ZGRF1: variants seen among roughly 807,000 people sequenced by gnomAD.
The protein encoded by ZGRF1 is zinc finger GRF-type containing 1.
ZGRF1 carries 196 observed loss-of-function variants against 203.5 expected under a neutral mutation model. That is an observed-to-expected ratio of 0.96 (90% CI 0.86 to 1.08). The LOEUF is 1.08. ZGRF1 is among the 50% of genes least tolerant of loss of function. The pLI, the probability that ZGRF1 is intolerant of heterozygous loss-of-function variation, is 0.00. For synonymous variants in ZGRF1, 809 were observed against 841.3 expected (o/e 0.96, Z 0.66); for missense variants, 2,326 against 2,416.3 (o/e 0.96, Z 0.78).
At chr4:112,542,523 G>A (rs1737845653) in intron 24 of ZGRF1, among the ~76,000 whole-genome samples, 1 of 152,086 alleles carries the variant, frequency 6.6e-6, no homozygotes, top group Non-Finnish European at 1.5e-5. Flanking sequence ...GATAAAAGAT[G>A]GAAGGAAAAA....
intron 8 of ZGRF1, 98 bp from the exon 9 acceptor site, chr4:112,606,189 C>A: frequency 3.9e-6 from 3 of 760,554 alleles, no homozygotes; most frequent in Non-Finnish European, 6.5e-6. Context: ...TTAAGTTTGC[C>A]CTGTGAAAAC....
Position 112,558,327 on chromosome 4 carries a change from A to G in ZGRF1, c.4961-18T>C. On this transcript the variant is annotated intron_variant, in intron 19 of 27. Transcript: ENST00000505019. ...AAACACACCTAATTATTTTAAAAGA[A>G]GAAAAAAATAAAAAGCATAAAATAA... The G allele has an allele frequency of 1.7e-5, 25 of 1,480,924 alleles. No homozygotes were observed. Among genetic ancestry groups the G allele is most frequent in the Non-Finnish European group, 2.2e-5 (25 of 1,120,000 alleles). 91.7% of individuals were successfully genotyped at this position (1,480,924 alleles called of 1,614,324 possible). A position where few individuals can be genotyped will look rare whatever the true frequency, so the allele number is the denominator to read the frequency against.
intron 15 of ZGRF1, among the ~76,000 whole-genome samples, chr4:112,582,368 A>G (rs916941832): frequency 2.0e-5 from 3 of 148,878 alleles, no homozygotes; most frequent in African/African-American, 7.5e-5. Context: ...GGTAACCATC[A>G]TTCTATTCTC....
At chr4:112,552,294 A>T (rs1740126626) in intron 22 of ZGRF1, among the ~76,000 whole-genome samples, 1 of 152,080 alleles carries the variant, frequency 6.6e-6, no homozygotes, top group African/African-American at 2.4e-5. Flanking sequence ...AAAAAAAAGA[A>T]AGAAAGAAAT....
chr4:112,632,143 A>C, intron 2 of ZGRF1, 133 bp from the exon 3 acceptor site: 1 of 377,878 alleles, frequency 2.6e-6, no homozygotes, highest in East Asian at 3.9e-5. Flanking sequence ...CACCCATATC[A>C]ATTTTTTAAA....
At chr4:112,573,818 A>C (rs904622375) in intron 16 of ZGRF1, among the ~76,000 whole-genome samples, 1 of 152,198 alleles carries the variant, frequency 6.6e-6, no homozygotes, top group Non-Finnish European at 1.5e-5. Context: ...AAGAATATGA[A>C]GAATACATAA....
In ZGRF1 at chr4:112,620,159, C is replaced by T. The variant is rs747866911; in HGVS notation, c.194G>A (p.Arg65Gln). The T allele has an allele frequency of 4.4e-6, 7 of 1,607,302 alleles. No individual in the cohort carries two copies. Among genetic ancestry groups the T allele is most frequent in the African/African-American group, 2.7e-5 (2 of 74,726 alleles). ...VKPGDDLESD[R>Q]YLITVEEVKV... ...AACCTCTTCAACTGTGATTAAGTAT[C>T]GATCACTTTCTAAGTCATCTCCAGG... Residue 65 changes from arginine to glutamine, a missense_variant, in exon 5 of 28, where the codon CGA becomes CAA. Arg to Gln is a conservative substitution (Grantham distance 43, BLOSUM62 1). Transcript: ENST00000505019.
intron 13 of ZGRF1, 26 bp from the exon 14 acceptor site, chr4:112,585,751 G>A (rs1578365108): frequency 2.1e-6 from 3 of 1,458,914 alleles, no homozygotes; most frequent in East Asian, 2.3e-5. Flanking sequence ...AAAGAGAGCA[G>A]AAAATTAAAT....
chr4:112,625,103 C>T (rs946011463), intron 3 of ZGRF1, among the ~76,000 whole-genome samples: 2 of 152,056 alleles, frequency 1.3e-5, no homozygotes, highest in African/African-American at 4.8e-5. Context: ...ATCCAGGGAA[C>T]GAAGCAAGAC....
chr4:112,558,121 A>C (rs1741281529), intron 20 of ZGRF1, 29 bp downstream of exon 20: 2 of 1,584,836 alleles, frequency 1.3e-6, no homozygotes, highest in African/African-American at 2.7e-5. Flanking sequence ...CCAAAACATT[A>C]GCTACTTAAA....
chr4:112,617,417 C>A (rs752777876), intron 6 of ZGRF1, 23 bp downstream of exon 6: 7 of 1,498,306 alleles, frequency 4.7e-6, no homozygotes, highest in South Asian at 1.4e-5. Flanking sequence ...GAAAACATTC[C>A]AAAATAGACA....
intron 16 of ZGRF1, among the ~76,000 whole-genome samples, chr4:112,576,023 C>G (rs947838049): frequency 2.0e-5 from 3 of 152,192 alleles, no homozygotes; most frequent in African/African-American, 7.2e-5. Context: ...CTGGGAGGCA[C>G]CCCCCAGTAG....
chr4:112,623,657 G>A (rs1369195326), intron 4 of ZGRF1, among the ~76,000 whole-genome samples, 160 bp downstream of exon 4: 1 of 151,924 alleles, frequency 6.6e-6, no homozygotes, highest in African/African-American at 2.4e-5. Context: ...AGAGATTAAA[G>A]GAAACAATAT....
At chr4:112,549,778 T>TAA (rs1008938594) in intron 22 of ZGRF1, among the ~76,000 whole-genome samples, 1 of 145,816 alleles carries the variant, frequency 6.9e-6, no homozygotes, top group Non-Finnish European at 1.5e-5. Flanking sequence ...TCCTACTTCT[T>TAA]AAAAAAAAAA....
chr4:112,587,278 A>G lies in ZGRF1; in HGVS notation c.3777+2T>C. The G allele has an allele frequency of 6.3e-7, 1 of 1,593,282 alleles. No homozygotes were observed. The highest frequency in any genetic ancestry group is 8.5e-7 in the Non-Finnish European group (1 of 1,170,452). On this transcript the variant is annotated splice_donor_variant, in intron 12 of 27. Coordinates refer to ENST00000505019, the MANE Select transcript of ZGRF1 (RefSeq NM_018392.5). LOFTEE classifies it high-confidence loss of function. ...CACCACAAGACCGGTACATTTCCTC[A>G]CCTGTAAATCCTTTACACTGTAGTT...
chr4:112,628,043 T>A (rs1478050440), intron 3 of ZGRF1, among the ~76,000 whole-genome samples: 1 of 152,186 alleles, frequency 6.6e-6, no homozygotes, highest in Non-Finnish European at 1.5e-5. Context: ...AATATATATA[T>A]ATGCTTCATC....
chr4:112,553,790 T>G (rs1304200724), intron 22 of ZGRF1, 45 bp downstream of exon 22: 2 of 1,498,586 alleles, frequency 1.3e-6, no homozygotes, highest in South Asian at 2.5e-5. Context: ...AGAATCTGAA[T>G]GGTATATATA....
chr4:112,540,906 A>G lies in ZGRF1; in HGVS notation c.5825T>C (p.Leu1942Pro), dbSNP rs537288904. The G allele has an allele frequency of 3.8e-6, 6 of 1,583,056 alleles. No homozygotes were observed. The South Asian group carries it at 6.9e-5, about 18-fold the overall frequency. ...FHNVAEATFTLKLIQSLIASG... is the reference protein window; with the variant it reads ...FHNVAEATFTPKLIQSLIASG... Reference sequence around the variant, plus strand: ...TGCAATCAGTGATTGAATCAGCTTGAGTGTAAACGTAGCTTCTGCCACATT... The same window carrying G: ...TGCAATCAGTGATTGAATCAGCTTGGGTGTAAACGTAGCTTCTGCCACATT... The change falls in exon 26 of 28, where the codon CTC becomes CCC. Residue 1942 changes from leucine to proline, a missense_variant. Physicochemically the swap from Leu to Pro is moderately conservative, Grantham distance 98 (BLOSUM62 -3). Coordinates refer to ENST00000505019, the MANE Select transcript of ZGRF1 (RefSeq NM_018392.5).
At chr4:112,583,893 T>A in intron 15 of ZGRF1, 85 bp downstream of exon 15, 1 of 852,398 alleles carries the variant, frequency 1.2e-6, no homozygotes, top group Non-Finnish European at 1.8e-6. Context: ...CCTATCTTAA[T>A]CTCTTTTAAA....
Sources: allele counts gnomAD v4.1 joint callset (sites outside exome capture counted in the v4.1 genomes callset), GRCh38; gene constraint gnomAD v4.1.1; transcripts MANE v1.5; gene names NCBI Gene and HGNC (gene_info 2026-07-23, HGNC 2026-07-21).